IQCE: variants seen among roughly 807,000 people sequenced by gnomAD.
IQCE encodes IQ motif containing E.
IQCE carries 115 observed loss-of-function variants against 96.0 expected under a neutral mutation model. The ratio of observed to expected loss-of-function variants is 1.20; its 90% CI spans 1.03 to 1.40. The LOEUF is 1.40. IQCE is among the 40% of genes most tolerant of loss of function. IQCE has a pLI of 0.00. For missense variants in IQCE, 1,041 were observed against 909.1 expected, an observed-to-expected ratio of 1.15 and a Z score of -1.87; for synonymous variants, 412 against 371.2, an observed-to-expected ratio of 1.11 and a Z score of -1.26.
chr7:2,591,054 A>G (rs892684787), intron 14 of IQCE, among the ~76,000 whole-genome samples: 2 of 152,136 alleles, frequency 1.3e-5, no homozygotes, highest in African/African-American at 4.8e-5. Flanking sequence ...GGAGTTCGAG[A>G]CCAACCTGGA....
rs774455831 is a variant in IQCE, at chr7:2,578,222, A to G, written c.466-20A>G. Reference sequence around the variant, plus strand: ...CGCAGCTTCGTGTGGATGGCTGTGCATGGCCCTTGTTTTCTTCAGTCATTG... The same window carrying G: ...CGCAGCTTCGTGTGGATGGCTGTGCGTGGCCCTTGTTTTCTTCAGTCATTG... On this transcript the variant is annotated intron_variant, in intron 6 of 21. Transcript: ENST00000402050. 1.9e-6 allele frequency: 3 copies of G among 1,585,526 alleles called. No homozygotes were observed. The highest frequency in any genetic ancestry group is 2.6e-6 in the Non-Finnish European group (3 of 1,155,650).
chr7:2,580,707 G>GGGTTTGTT (rs1782598395), intron 8 of IQCE, among the ~76,000 whole-genome samples: 1 of 152,144 alleles, frequency 6.6e-6, no homozygotes. Context: ...AGCACCAGGA[G>GGGTTTGTT]GATTTGTTGA....
At chr7:2,597,435 A>G (rs1178889558) in intron 16 of IQCE, among the ~76,000 whole-genome samples, 2 of 152,236 alleles carry the variant, frequency 1.3e-5, no homozygotes, top group African/African-American at 2.4e-5. Context: ...CAGAAAATGA[A>G]AAGCCAGAGC....
chr7:2,571,302 A>G (rs1192650449), intron 3 of IQCE: 1 of 504,720 alleles, frequency 2.0e-6, no homozygotes, highest in East Asian at 4.1e-5. Flanking sequence ...TATAGGCATG[A>G]GCCACCATGC....
Position 2,598,476 on chromosome 7 carries a change from C to T in IQCE, c.1452C>T (p.Leu484=). The change falls in exon 17 of 22, where the codon CTC becomes CTT. Residue 484 remains leucine (L), a synonymous_variant. Coordinates refer to ENST00000402050, the MANE Select transcript of IQCE (RefSeq NM_152558.5). Reference sequence around the variant, plus strand: ...TCAATTTCCTGCAGGCCCAAGAGCTCCCAGCTCCCACTCCCAGCAGCAGGC... The same window carrying T: ...TCAATTTCCTGCAGGCCCAAGAGCTTCCAGCTCCCACTCCCAGCAGCAGGC... ...CPEVPHKAQE[L]PAPTPSSRHC... The T allele has an allele frequency of 1.3e-6, 2 of 1,585,634 alleles. No individual in the cohort carries two copies. The highest frequency in any genetic ancestry group is 1.7e-6 in the Non-Finnish European group (2 of 1,166,858).
intron 6 of IQCE, among the ~76,000 whole-genome samples, chr7:2,576,813 G>C (rs1214079362): frequency 6.6e-6 from 1 of 152,230 alleles, no homozygotes; most frequent in African/African-American, 2.4e-5. Context: ...CTGAGGATGA[G>C]CATTTGAAAT....
Position 2,610,588 on chromosome 7 carries a change from C to A in IQCE, c.*426C>A. ...ACACCCTCAACAACCAGGATTTGCT[C>A]GATCTCAGCCCAGCAGGCCAGGCAG... On this transcript the variant is annotated 3_prime_UTR_variant, in exon 22 of 22. Coordinates refer to ENST00000402050, the MANE Select transcript of IQCE (RefSeq NM_152558.5). The A allele has an allele frequency of 5.3e-6, 1 of 189,890 alleles. No homozygotes were observed. Among genetic ancestry groups the A allele is most frequent in the Non-Finnish European group, 1.1e-5 (1 of 90,884 alleles). 11.8% of individuals were successfully genotyped at this position (189,890 alleles called of 1,614,324 possible).
chr7:2,572,871 T>C, intron 5 of IQCE: 1 of 389,018 alleles, frequency 2.6e-6, no homozygotes, highest in Non-Finnish European at 5.0e-6. Flanking sequence ...GTTTCCCACC[T>C]ATCCTCCTTA....
chr7:2,592,936 C>T lies in IQCE; in HGVS notation c.1245-86C>T, dbSNP rs528956199. 61 of 1,420,528 alleles carry T rather than the reference C, an allele frequency of 4.3e-5. No individual in the cohort carries two copies. In the African/African-American group the frequency reaches 7.8e-4, roughly 18 times the overall value. 88.0% of individuals were successfully genotyped at this position (1,420,528 alleles called of 1,614,324 possible). A position where few individuals can be genotyped will look rare whatever the true frequency, so the allele number is the denominator to read the frequency against. On this transcript the variant is annotated intron_variant, in intron 14 of 21. Transcript: ENST00000402050. ...TCCACTGTCCTAAGGAAGGGCTGAG[C>T]ACTGTCATTTTCTGAAGTGCCTTCC...
At chr7:2,588,616 G>A (rs1380798294) in intron 13 of IQCE, among the ~76,000 whole-genome samples, 1 of 138,332 alleles carries the variant, frequency 7.2e-6, no homozygotes, top group African/African-American at 2.7e-5. Flanking sequence ...GCCTCCTGAA[G>A]TGCTGGGATT....
chr7:2,580,854 G>A (rs758371191), intron 8 of IQCE, among the ~76,000 whole-genome samples: 6 of 152,152 alleles, frequency 3.9e-5, no homozygotes, highest in East Asian at 1.9e-4. Flanking sequence ...GCACGCAAGC[G>A]GAAACAGGAT....
chr7:2,572,067 G>C (rs1385434669), intron 4 of IQCE, 125 bp from the exon 5 acceptor site: 1 of 1,016,846 alleles, frequency 9.8e-7, no homozygotes, highest in African/African-American at 1.6e-5. Context: ...TTACCAGCAC[G>C]ACACTGACGG....
Position 2,610,050 on chromosome 7 carries a change from C to G in IQCE, c.1976C>G (p.Ser659Cys), listed in dbSNP as rs551683847. The G allele has an allele frequency of 3.8e-6, 6 of 1,583,538 alleles. No individual in the cohort carries two copies. Among genetic ancestry groups the G allele is most frequent in the Admixed American group, 1.7e-5 (1 of 59,958 alleles). The change falls in exon 22 of 22, where the codon TCT becomes TGT. Residue 659 changes from serine to cysteine, a missense_variant. Physicochemically the swap from Ser to Cys is moderately radical, Grantham distance 112 (BLOSUM62 -1). Coordinates refer to ENST00000402050, the MANE Select transcript of IQCE (RefSeq NM_152558.5). The stretch of plus-strand genomic sequence containing the variant: ...CTGTGGTTCATTTCTGCAGACCCCT[C>G]TCCCTCAGGGCCACAGGCCTTGGCA... Reference protein sequence around the residue: ...PPFLAALPDPSPSGPQALAPL... With the variant: ...PPFLAALPDPCPSGPQALAPL...
At chr7:2,586,150 A>G in intron 11 of IQCE, 58 bp from the exon 12 acceptor site, 2 of 1,509,858 alleles carry the variant, frequency 1.3e-6, no homozygotes, top group Non-Finnish European at 1.8e-6. Flanking sequence ...CCTCGTTTCA[A>G]GCATGTGTGA....
At chr7:2,566,318 G>T (rs554685396) in intron 1 of IQCE, among the ~76,000 whole-genome samples, 2 of 143,420 alleles carry the variant, frequency 1.4e-5, no homozygotes, top group African/African-American at 2.6e-5. Context: ...GGCCATCCTC[G>T]TGCTGAAATC....
chr7:2,559,491 C>G (rs977939236), intron 1 of IQCE: 27 of 236,698 alleles, frequency 1.1e-4, no homozygotes, highest in Non-Finnish European at 2.0e-4. Context: ...GCCTGCGAGT[C>G]TGCGGCCCGC....
rs577581270 is a variant in IQCE at position 2,578,149 on chromosome 7, A to C, written c.466-93A>C. 1.4e-4 allele frequency: 128 copies of C among 946,954 alleles called. No homozygotes were observed. The South Asian group carries it at 1.7e-3, about 12-fold the overall frequency. 58.7% of individuals were successfully genotyped at this position (946,954 alleles called of 1,614,324 possible). On this transcript the variant is annotated intron_variant, in intron 6 of 21. Coordinates refer to ENST00000402050, the MANE Select transcript of IQCE (RefSeq NM_152558.5). ...GGGGACGTGTGTGCGGCGTGCCCGCATTGGCGTGTGCGTGGCTGTGTGCGC... is the reference window on the plus strand; with the variant it reads ...GGGGACGTGTGTGCGGCGTGCCCGCCTTGGCGTGTGCGTGGCTGTGTGCGC...
intron 2 of IQCE, among the ~76,000 whole-genome samples, chr7:2,568,004 G>A (rs1482630657): frequency 6.6e-6 from 1 of 152,200 alleles, no homozygotes; most frequent in Non-Finnish European, 1.5e-5. Flanking sequence ...GGGAAGTGAG[G>A]AGACCTGGCC....
intron 6 of IQCE, 103 bp from the exon 7 acceptor site, chr7:2,578,139 G>T (rs544855787): frequency 1.2e-6 from 1 of 843,866 alleles, no homozygotes; most frequent in South Asian, 1.4e-5. Flanking sequence ...CGTGTGTGCG[G>T]CGTGCCCGCA....
Sources: gnomAD v4.1 joint callset for allele counts (sites outside exome capture counted in the v4.1 genomes callset) on GRCh38, gnomAD v4.1.1 for gene constraint, MANE v1.5 for transcripts, NCBI Gene and HGNC (gene_info 2026-07-23, HGNC 2026-07-21) for gene names.